The following PSMD14 variants were observed in gnomAD, a reference collection of about 807,000 sequenced individuals.
PSMD14 encodes proteasome 26S subunit, non-ATPase 14, also known as ubiquitin C-terminal hydrolase PSMD14.
In PSMD14, 7 loss-of-function variants were observed where a neutral mutation model predicts 41.2. The observed-to-expected ratio is 0.17, with a 90% confidence interval of 0.10 to 0.32. PSMD14 has a LOEUF of 0.32. Among genes scored for constraint, PSMD14 ranks in the 10% least tolerant of loss-of-function variants. The probability of loss-of-function intolerance (pLI) is 1.00; values close to 1 mark genes in which losing one functional copy is unlikely to be tolerated. For synonymous variants in PSMD14, 114 were observed against 122.3 expected, an observed-to-expected ratio of 0.93 and a Z score of 0.45; for missense variants, 139 against 375.6, an observed-to-expected ratio of 0.37 and a Z score of 5.21.
rs1009855315 is a variant in PSMD14 at position 161,318,878 on chromosome 2, GTATA to G, written c.48+8_48+11del. ...GGTATGCCTGGACTGGGCCAGGTTA[GTATA>G]TAGTCTCTTGAGCATTTCCTTGTGT... On this transcript the variant is annotated splice_donor_region_variant and intron_variant, in intron 3 of 11. Transcript: ENST00000409682. 1.2e-6 allele frequency: 2 copies of G among 1,610,000 alleles called. No individual in the cohort carries two copies. The highest frequency in any genetic ancestry group is 1.7e-6 in the Non-Finnish European group (2 of 1,176,900).
chr2:161,379,483 T>A (rs1352152644), intron 7 of PSMD14, among the ~76,000 whole-genome samples: 1 of 152,046 alleles, frequency 6.6e-6, no homozygotes, highest in Non-Finnish European at 1.5e-5. Flanking sequence ...GAAATATATC[T>A]TAAAGCGTCA....
At chr2:161,380,333 TAAGTA>T (rs1186694716) in intron 7 of PSMD14, among the ~76,000 whole-genome samples, 2 of 152,028 alleles carry the variant, frequency 1.3e-5, no homozygotes, top group Non-Finnish European at 2.9e-5. Flanking sequence ...TATTATAACT[TAAGTA>T]AATTCTTTTC....
intron 8 of PSMD14, among the ~76,000 whole-genome samples, chr2:161,387,862 G>C (rs1683654441): frequency 6.6e-6 from 1 of 151,854 alleles, no homozygotes; most frequent in African/African-American, 2.4e-5. Flanking sequence ...AGAGACAAAG[G>C]TTATTTTCAC....
At chr2:161,400,230 C>T (rs968376334) in intron 10 of PSMD14, among the ~76,000 whole-genome samples, 2 of 152,226 alleles carry the variant, frequency 1.3e-5, no homozygotes, top group Admixed American at 1.3e-4. Context: ...CCTTCTATCT[C>T]TCTGCTCTGC....
intron 3 of PSMD14, among the ~76,000 whole-genome samples, chr2:161,343,738 G>A (rs185461887): frequency 2.4e-4 from 36 of 152,264 alleles, no homozygotes; most frequent in African/African-American, 8.2e-4. Flanking sequence ...TAAGGCTGGA[G>A]AATCGCTTGA....
chr2:161,313,235 C>T (rs570310304), intron 1 of PSMD14, among the ~76,000 whole-genome samples: 36 of 152,126 alleles, frequency 2.4e-4, no homozygotes, highest in Middle Eastern at 3.4e-3. Flanking sequence ...CATTAGTCAT[C>T]GCCATTTACC....
intron 8 of PSMD14, among the ~76,000 whole-genome samples, chr2:161,385,870 C>A (rs1231326110): frequency 6.6e-6 from 1 of 151,556 alleles, no homozygotes; most frequent in Admixed American, 6.6e-5. Context: ...TAGAGAAGGA[C>A]CAATAGGAGT....
chr2:161,358,302 T>G (rs532137891), intron 3 of PSMD14, among the ~76,000 whole-genome samples: 29 of 152,332 alleles, frequency 1.9e-4, no homozygotes, highest in African/African-American at 6.7e-4. Context: ...TTAGTCCATT[T>G]TAGTTGAATG....
rs1683794525 is a variant in PSMD14, at chr2:161,396,369, A to G, written c.771+1166A>G. Among the ~76,000 whole-genome samples the G allele has an allele frequency of 3.9e-5, 6 of 152,164 alleles. No individual in the cohort carries two copies. The South Asian group carries it at 1.2e-3, about 31-fold the overall frequency. ...ATTATTCATAGTACCCAAGATATGG[A>G]GTCAACCTAAGTGTCAATCAACAGA... On this transcript the variant is annotated intron_variant, in intron 10 of 11. Coordinates refer to ENST00000409682, the MANE Select transcript of PSMD14 (RefSeq NM_005805.6).
At chr2:161,366,387 AACACACACAC>A (rs36202166) in intron 3 of PSMD14, among the ~76,000 whole-genome samples, 46 of 148,508 alleles carry the variant, frequency 3.1e-4, no homozygotes, top group African/African-American at 9.8e-4. Context: ...AATAGAATTT[AACACACACAC>A]ACACACACAC....
At chr2:161,372,117 G>A (rs1383582270) in intron 7 of PSMD14, among the ~76,000 whole-genome samples, 5 of 151,810 alleles carry the variant, frequency 3.3e-5, no homozygotes, top group Non-Finnish European at 7.4e-5. Context: ...CAGGGAGAGT[G>A]GATTAGAAAA....
chr2:161,330,208 A>G (rs1682765803), intron 3 of PSMD14, among the ~76,000 whole-genome samples: 1 of 152,226 alleles, frequency 6.6e-6, no homozygotes, highest in Admixed American at 6.5e-5. Context: ...AAAAATAAAA[A>G]TTGTGAAAAG....
At chr2:161,355,967 G>C (rs1208213630) in intron 3 of PSMD14, among the ~76,000 whole-genome samples, 3 of 152,034 alleles carry the variant, frequency 2.0e-5, no homozygotes, top group African/African-American at 7.2e-5. Flanking sequence ...TGAGGGGAGA[G>C]TTGCAGTATT....
At chr2:161,397,245 T>A (rs1317405387) in intron 10 of PSMD14, among the ~76,000 whole-genome samples, 5 of 152,120 alleles carry the variant, frequency 3.3e-5, no homozygotes, top group African/African-American at 1.2e-4. Flanking sequence ...AGAGTGTGTT[T>A]AAGAGGAGCT....
At chr2:161,343,993 A>G (rs1266312705) in intron 3 of PSMD14, among the ~76,000 whole-genome samples, 1 of 152,086 alleles carries the variant, frequency 6.6e-6, no homozygotes, top group Non-Finnish European at 1.5e-5. Context: ...TATAATAGCT[A>G]TTTGAATAGC....
chr2:161,381,880 C>A lies in PSMD14; in HGVS notation c.463-3584C>A, dbSNP rs536122133. 104 of 151,916 alleles carry A rather than the reference C, an allele frequency of 6.8e-4. 1 individual carries two copies. Among genetic ancestry groups the A allele is most frequent in the African/African-American group, 2.5e-3 (104 of 41,518 alleles). The allele number at this position is 151,916 out of a possible 1,614,324, so 9.4% of individuals were successfully genotyped here. A position where few individuals can be genotyped will look rare whatever the true frequency, so the allele number is the denominator to read the frequency against. On this transcript the variant is annotated intron_variant, in intron 7 of 11. Coordinates refer to ENST00000409682, the MANE Select transcript of PSMD14 (RefSeq NM_005805.6). ...AGTTTTTATTTTGTATTGGCAGCTT[C>A]CAAATATTTAGTATCTATTTCCAAG...
At chr2:161,364,060 T>C (rs917755444) in intron 3 of PSMD14, among the ~76,000 whole-genome samples, 1 of 152,082 alleles carries the variant, frequency 6.6e-6, no homozygotes, top group Non-Finnish European at 1.5e-5. Context: ...TTTTATTGAG[T>C]GAAAGTAGCT....
intron 3 of PSMD14, among the ~76,000 whole-genome samples, chr2:161,360,084 T>C (rs1334698148): frequency 2.6e-5 from 4 of 152,114 alleles, no homozygotes; most frequent in Non-Finnish European, 5.9e-5. Context: ...CCTGAAAAAT[T>C]CCAGATTTTC....
chr2:161,314,141 A>C (rs1162161802), intron 1 of PSMD14, among the ~76,000 whole-genome samples: 1 of 152,244 alleles, frequency 6.6e-6, no homozygotes, highest in Admixed American at 6.5e-5. Flanking sequence ...AATGATTTTT[A>C]AAATTTCTAC....
Sources: allele counts gnomAD v4.1 joint callset (sites outside exome capture counted in the v4.1 genomes callset), GRCh38; gene constraint gnomAD v4.1.1; transcripts MANE v1.5; gene names NCBI Gene and HGNC (gene_info 2026-07-23, HGNC 2026-07-21).